ATP13A5: variants seen among roughly 807,000 people sequenced by gnomAD.
The protein encoded by ATP13A5 is probable cation-transporting ATPase 13A5.
A neutral mutation model predicts 150.2 loss-of-function variants in ATP13A5; 149 were observed. The observed-to-expected ratio is 0.99, with a 90% confidence interval of 0.87 to 1.14. The LOEUF (loss-of-function observed/expected upper bound fraction) is 1.14. Among genes scored for constraint, ATP13A5 ranks in the 50% most tolerant of loss-of-function variants. ATP13A5 has a pLI of 0.00. For synonymous variants in ATP13A5, 497 were observed against 522.2 expected, an observed-to-expected ratio of 0.95 and a Z score of 0.66; for missense variants, 1,383 against 1,449.3, an observed-to-expected ratio of 0.95 and a Z score of 0.74.
At chr3:193,330,261 G>T (rs1288527019) in intron 12 of ATP13A5, among the ~76,000 whole-genome samples, 1 of 152,044 alleles carries the variant, frequency 6.6e-6, no homozygotes, top group Non-Finnish European at 1.5e-5. Flanking sequence ...CAGCATGATC[G>T]CCATCTACAC....
At chr3:193,334,713 T>C (rs1046970425) in intron 10 of ATP13A5, among the ~76,000 whole-genome samples, 1 of 152,180 alleles carries the variant, frequency 6.6e-6, no homozygotes, top group Admixed American at 6.5e-5. Flanking sequence ...AAATTTTACT[T>C]CACCTACACA....
chr3:193,293,728 C>T (rs1240553837), intron 25 of ATP13A5, among the ~76,000 whole-genome samples: 1 of 152,080 alleles, frequency 6.6e-6, no homozygotes, highest in Admixed American at 6.6e-5. Context: ...ACCTAAACTA[C>T]ATGCAGAATT....
chr3:193,327,110 A>T (rs999762133), intron 12 of ATP13A5, 53 bp from the exon 13 acceptor site: 2 of 1,476,444 alleles, frequency 1.4e-6, no homozygotes, highest in Non-Finnish European at 9.2e-7. Context: ...TTTTAATTAT[A>T]TAGTAATTTA....
Position 193,289,952 on chromosome 3 carries a change from T to G in ATP13A5, c.2956A>C (p.Ile986Leu), listed in dbSNP as rs1196334636. The change falls in exon 26 of 30, where the codon ATT becomes CTT. Residue 986 changes from isoleucine to leucine, a missense_variant. Physicochemically the swap from Ile to Leu is conservative, Grantham distance 5 (BLOSUM62 2). Around this residue, in one of 3 missense-constraint regions of ATP13A5, gnomAD observed 568 missense variants for 621.5 expected, o/e 0.91. Coordinates refer to ENST00000342358, the MANE Select transcript of ATP13A5 (RefSeq NM_198505.4). ...SIFLNSCFSC[I>L]VQISAFLYVK... ...TAGAGAAATGCACTGATCTGCACAA[T>G]GCAGGAGAAACAGGAATTCAAAAAT... 1.2e-6 allele frequency: 2 copies of G among 1,612,806 alleles called. No individual in the cohort carries two copies. Among genetic ancestry groups the G allele is most frequent in the South Asian group, 2.2e-5 (2 of 91,032 alleles).
At chr3:193,342,108 C>G (rs535851393) in intron 9 of ATP13A5, among the ~76,000 whole-genome samples, 4 of 152,208 alleles carry the variant, frequency 2.6e-5, no homozygotes, top group South Asian at 4.2e-4. Context: ...AGCTCCTAGT[C>G]TAATTTGTTT....
At chr3:193,365,776 A>T (rs1417146922) in intron 1 of ATP13A5, among the ~76,000 whole-genome samples, 1 of 152,100 alleles carries the variant, frequency 6.6e-6, no homozygotes, top group Non-Finnish European at 1.5e-5. Context: ...AGTAATGGCA[A>T]TGAAAATCAT....
intron 7 of ATP13A5, among the ~76,000 whole-genome samples, chr3:193,349,488 C>G (rs1373565757): frequency 1.6e-5 from 1 of 62,652 alleles, no homozygotes; most frequent in Admixed American, 2.1e-4. Flanking sequence ...TAAAGGAAAG[C>G]AGAAATATAT....
rs780984166 is a variant in ATP13A5, at chr3:193,299,129, A to G, written c.2848+2T>C. 1.1e-4 allele frequency: 174 copies of G among 1,596,436 alleles called. No individual in the cohort carries two copies. Among genetic ancestry groups the G allele is most frequent in the South Asian group, 1.8e-4 (16 of 88,024 alleles). On this transcript the variant is annotated splice_donor_variant, in intron 25 of 29. Transcript: ENST00000342358. LOFTEE classifies it high-confidence loss of function. ...TATAGTTTTCTTTGCTAAAGAGCTT[A>G]CTTGTTAAACAGACCATCAAAGTAA...
rs9291052 is a variant in ATP13A5, at chr3:193,281,081, T to C, written c.3227-1627A>G. 99 of 510,838 alleles carry C rather than the reference T, an allele frequency of 1.9e-4. 1 individual carries two copies. In the African/African-American group the frequency reaches 2.0e-3, roughly 10 times the overall value. 31.6% of individuals were successfully genotyped at this position (510,838 alleles called of 1,614,324 possible). ...GTCTCAGAAGTGCTTGGGAAGGGTA[T>C]GAGGCAGACAGAAGAAAAGTAGGAA... On this transcript the variant is annotated intron_variant, in intron 27 of 29. Coordinates refer to ENST00000342358, the MANE Select transcript of ATP13A5 (RefSeq NM_198505.4).
At chr3:193,350,923 G>T in intron 7 of ATP13A5, 144 bp downstream of exon 7, 1 of 858,836 alleles carries the variant, frequency 1.2e-6, no homozygotes, top group Non-Finnish European at 1.8e-6. Context: ...AAGTCCTTCT[G>T]TCATCCCATA....
intron 1 of ATP13A5, among the ~76,000 whole-genome samples, chr3:193,368,392 TTG>T (rs1286543236): frequency 0.026 from 3,808 of 147,316 alleles, 129 homozygotes; most frequent in African/African-American, 0.081. Context: ...CTCTTCAGAC[TTG>T]TGTGTGTGTG....
intron 9 of ATP13A5, among the ~76,000 whole-genome samples, chr3:193,335,831 A>G (rs1182394760): frequency 1.3e-5 from 2 of 152,166 alleles, no homozygotes; most frequent in Admixed American, 6.5e-5. Context: ...CAACTAGGCC[A>G]CTTGCATTTC....
At chr3:193,305,854 A>G (rs1718594176) in intron 22 of ATP13A5, among the ~76,000 whole-genome samples, 186 bp from the exon 23 acceptor site, 1 of 152,168 alleles carries the variant, frequency 6.6e-6, no homozygotes. Context: ...GTCACTAACT[A>G]AACAATGACC....
At chr3:193,328,921 G>A (rs772639020) in intron 12 of ATP13A5, among the ~76,000 whole-genome samples, 9 of 152,296 alleles carry the variant, frequency 5.9e-5, no homozygotes, top group African/African-American at 1.2e-4. Flanking sequence ...ACTCAGAGAC[G>A]ATTGTGGTTG....
At chr3:193,376,305 T>C (rs1008528848) in intron 1 of ATP13A5, among the ~76,000 whole-genome samples, 1 of 152,230 alleles carries the variant, frequency 6.6e-6, no homozygotes, top group Non-Finnish European at 1.5e-5. Flanking sequence ...ACCCTCCTTC[T>C]GGTGCATAGA....
intron 12 of ATP13A5, among the ~76,000 whole-genome samples, chr3:193,329,743 C>T (rs1711557135): frequency 6.6e-6 from 1 of 152,146 alleles, no homozygotes; most frequent in South Asian, 2.1e-4. Context: ...GGGACCAAGC[C>T]TGGTCGAGTC....
chr3:193,312,032 C>G, intron 19 of ATP13A5, 91 bp from the exon 20 acceptor site: 2 of 1,512,792 alleles, frequency 1.3e-6, no homozygotes, highest in Non-Finnish European at 1.8e-6. Flanking sequence ...TTCATGTTGC[C>G]TAACAGTGTG....
intron 25 of ATP13A5, among the ~76,000 whole-genome samples, chr3:193,295,720 G>A (rs1005475217): frequency 2.0e-5 from 3 of 152,086 alleles, no homozygotes; most frequent in East Asian, 1.9e-4. Flanking sequence ...AGAGATTATC[G>A]CCATATCTCC....
At position 193,331,220 on chromosome 3, in the gene ATP13A5, A is replaced by T; in HGVS notation, c.1364T>A (p.Val455Glu). ...TTTCTTCAGTCTCTTCTGAGCATAC[A>T]CGTTGCCTATGGTCAGGGCAGCTGG... ...VLPAALTIGN[V>E]YAQKRLKKKK... Residue 455 changes from valine to glutamate, a missense_variant, in exon 12 of 30, where the codon GTG (valine) becomes GAG (glutamate). By Grantham distance (121) the Val-to-Glu change is moderately radical. Coordinates refer to ENST00000342358, the MANE Select transcript of ATP13A5 (RefSeq NM_198505.4). The T allele has an allele frequency of 6.2e-7, 1 of 1,614,054 alleles. No homozygotes were observed. Among genetic ancestry groups the T allele is most frequent in the Non-Finnish European group, 8.5e-7 (1 of 1,179,960 alleles).
Sources: allele counts gnomAD v4.1 joint callset (sites outside exome capture counted in the v4.1 genomes callset), GRCh38; gene constraint gnomAD v4.1.1; regional missense constraint gnomAD v4.1.1; transcripts MANE v1.5; gene names NCBI Gene and HGNC (gene_info 2026-07-23, HGNC 2026-07-21).